Variants in ANK3 observed in about 807,000 individuals in gnomAD.
ANK3 encodes ankyrin 3, also known as ankyrin-3.
ANK3 carries 57 observed loss-of-function variants against 370.9 expected under a neutral mutation model. That is an observed-to-expected ratio of 0.15 (90% CI 0.12 to 0.19). ANK3 has a LOEUF of 0.19. ANK3 is among the 10% of genes least tolerant of loss of function. ANK3 has a pLI of 1.00. For missense variants in ANK3, 4,439 were observed against 5,302.1 expected, an observed-to-expected ratio of 0.84 and a Z score of 5.06; for synonymous variants, 1,929 against 1,946.3, an observed-to-expected ratio of 0.99 and a Z score of 0.23.
At chr10:60,427,983 G>A (rs1029658415) in intron 2 of ANK3, among the ~76,000 whole-genome samples, 1 of 152,100 alleles carries the variant, frequency 6.6e-6, no homozygotes, top group African/African-American at 2.4e-5. Context: ...GGAAGAGGCT[G>A]GCATGCACTT....
chr10:60,129,920 C>A (rs1565198270), intron 25 of ANK3, among the ~76,000 whole-genome samples: 1 of 152,162 alleles, frequency 6.6e-6, no homozygotes, highest in Non-Finnish European at 1.5e-5. Context: ...TTTTGGCTAA[C>A]AGAATTCTTT....
At chr10:60,472,845 T>G (rs767720970) in intron 2 of ANK3, among the ~76,000 whole-genome samples, 14 of 152,156 alleles carry the variant, frequency 9.2e-5, no homozygotes, top group Non-Finnish European at 1.9e-4. Flanking sequence ...ACTGAGATTT[T>G]AAACTTATAC....
At position 60,469,007 on chromosome 10, in the gene ANK3, ATATATATATATACCACTTTTAGTG is replaced by A. The variant is rs1396064035; in HGVS notation, c.96+146155_96+146178del. Among the ~76,000 whole-genome samples the A allele has an allele frequency of 1.3e-3, 142 of 110,356 alleles. 4 individuals are homozygous for A. The highest frequency in any genetic ancestry group is 2.1e-3 in the African/African-American group (67 of 32,120). The allele number at this position is 110,356 out of a possible 152,430, so 72.4% of individuals were successfully genotyped here. ...TACCACTTTTAGTGTGTATATATAT[ATATATATATATACCACTTTTAGTG>A]TATATATATATATATATATATATAC... On this transcript the variant is annotated intron_variant, in intron 2 of 43. Coordinates refer to the ANK3 transcript ENST00000373827.
At chr10:60,495,069 T>C (rs902082959) in intron 2 of ANK3, among the ~76,000 whole-genome samples, 16 of 152,124 alleles carry the variant, frequency 1.1e-4, no homozygotes, top group African/African-American at 3.4e-4. Flanking sequence ...CATTCTTTTG[T>C]AAAAAAGAGA....
chr10:60,677,302 G>A (rs560478976), intron 1 of ANK3, among the ~76,000 whole-genome samples: 1 of 152,230 alleles, frequency 6.6e-6, no homozygotes, highest in East Asian at 1.9e-4. Flanking sequence ...ACTGGAGAAG[G>A]AATTAAGACA....
chr10:60,505,451 A>G (rs966753458), intron 2 of ANK3, among the ~76,000 whole-genome samples: 1 of 152,090 alleles, frequency 6.6e-6, no homozygotes, highest in Non-Finnish European at 1.5e-5. Context: ...TTTGTCTTTA[A>G]TATTTTAGTT....
chr10:60,250,856 C>T (rs1006620802), intron 7 of ANK3, among the ~76,000 whole-genome samples: 4 of 152,150 alleles, frequency 2.6e-5, no homozygotes, highest in African/African-American at 9.7e-5. Flanking sequence ...AAGCCTGGCC[C>T]AGGTAGAGAC....
chr10:60,666,101 T>C (rs1457324075), intron 1 of ANK3, among the ~76,000 whole-genome samples: 1 of 152,178 alleles, frequency 6.6e-6, no homozygotes, highest in Non-Finnish European at 1.5e-5. Flanking sequence ...CAAAGAGATA[T>C]TTCTACACCT....
chr10:60,222,436 AG>A (rs1209897644), intron 8 of ANK3, among the ~76,000 whole-genome samples: 2 of 151,008 alleles, frequency 1.3e-5, no homozygotes, highest in Non-Finnish European at 3.0e-5. Context: ...AAAAAAAAAA[AG>A]AGGAGGAAAA....
intron 7 of ANK3, among the ~76,000 whole-genome samples, chr10:60,240,016 C>CAT (rs10629894): frequency 0.9 from 127,244 of 141,650 alleles, 56,497 homozygotes; most frequent in East Asian, 0.99. Context: ...AATATATACA[C>CAT]ATATATACAC....
intron 2 of ANK3, among the ~76,000 whole-genome samples, chr10:60,430,635 G>A (rs374793955): frequency 2.6e-5 from 4 of 152,186 alleles, no homozygotes; most frequent in African/African-American, 7.2e-5. Flanking sequence ...CTAGTTACAC[G>A]TATTACTGCT....
chr10:60,537,002 A>T (rs1359276165), intron 2 of ANK3, among the ~76,000 whole-genome samples: 2 of 151,988 alleles, frequency 1.3e-5, no homozygotes, highest in African/African-American at 4.8e-5. Context: ...CATTAACCTA[A>T]ATGTCTGACC....
chr10:60,528,262 G>A (rs1438782328), intron 2 of ANK3, among the ~76,000 whole-genome samples: 4 of 149,918 alleles, frequency 2.7e-5, no homozygotes, highest in Non-Finnish European at 4.4e-5. Flanking sequence ...TCAGCCTCTC[G>A]AGTAGCTGGG....
At chr10:60,263,277 A>C (rs2097835628) in intron 6 of ANK3, among the ~76,000 whole-genome samples, 1 of 152,170 alleles carries the variant, frequency 6.6e-6, no homozygotes, top group Non-Finnish European at 1.5e-5. Context: ...AAAGCACAAT[A>C]GGCACAGAAA....
chr10:60,472,124 G>T (rs1313581255), intron 2 of ANK3, among the ~76,000 whole-genome samples: 1 of 152,104 alleles, frequency 6.6e-6, no homozygotes, highest in Non-Finnish European at 1.5e-5. Flanking sequence ...TGTCAAGTAA[G>T]ACTTGGAAAT....
At chr10:60,298,453 A>G (rs1254930877) in intron 1 of ANK3, among the ~76,000 whole-genome samples, 1 of 152,210 alleles carries the variant, frequency 6.6e-6, no homozygotes. Context: ...AGATGAAGGC[A>G]GGAGAGGAAT....
In ANK3 at chr10:60,483,547, T is replaced by A. The variant is rs184413820; in HGVS notation, c.96+131639A>T. On this transcript the variant is annotated intron_variant, in intron 2 of 43. Coordinates refer to the ANK3 transcript ENST00000373827. ...AAGATGACAAAGACCTTTGATCCAA[T>A]GGGTTCTGTTCAGCTCTTTTTGTAT... Among the ~76,000 whole-genome samples the A allele has an allele frequency of 5.3e-5, 8 of 152,376 alleles. No homozygotes were observed. In the East Asian group the frequency reaches 1.5e-3, roughly 29 times the overall value.
intron 2 of ANK3, among the ~76,000 whole-genome samples, chr10:60,568,652 A>AACAGCCAG: frequency 6.6e-6 from 1 of 152,296 alleles, no homozygotes; most frequent in South Asian, 2.1e-4. Context: ...GTATCACATG[A>AACAGCCAG]TTTATTAAGC....
At chr10:60,599,559 T>C (rs780851305) in intron 2 of ANK3, among the ~76,000 whole-genome samples, 1 of 152,172 alleles carries the variant, frequency 6.6e-6, no homozygotes, top group African/African-American at 2.4e-5. Flanking sequence ...ATTCTAACAG[T>C]TCTAACCGCA....
Sources: gnomAD v4.1 joint callset for allele counts (sites outside exome capture counted in the v4.1 genomes callset) on GRCh38, gnomAD v4.1.1 for gene constraint, MANE v1.5 for transcripts, NCBI Gene and HGNC (gene_info 2026-07-23, HGNC 2026-07-21) for gene names.